The following LRGUK variants were observed in gnomAD, a reference collection of about 807,000 sequenced individuals.
The protein encoded by LRGUK is leucine rich repeats and guanylate kinase domain containing.
A neutral mutation model predicts 76.0 loss-of-function variants in LRGUK; 65 were observed. The ratio of observed to expected loss-of-function variants is 0.85; its 90% CI spans 0.70 to 1.05. The LOEUF (loss-of-function observed/expected upper bound fraction) is 1.05, where lower values mean the gene tolerates loss of function less well. Ranked by LOEUF, LRGUK falls within the 50% of genes least tolerant of loss-of-function variation. LRGUK has a pLI of 0.00. For synonymous variants in LRGUK, 268 were observed against 265.6 expected (o/e 1.01, Z -0.09); for missense variants, 758 against 732.8 (o/e 1.03, Z -0.40).
chr7:134,242,532 A>G lies in LRGUK; in HGVS notation c.1984-5024A>G, dbSNP rs148427486. Among the ~76,000 whole-genome samples, 113 of 152,320 alleles carry G rather than the reference A, an allele frequency of 7.4e-4. 1 individual carries two copies. Among genetic ancestry groups the G allele is most frequent in the Middle Eastern group, 3.4e-3 (1 of 294 alleles). On this transcript the variant is annotated intron_variant, in intron 16 of 19. Coordinates refer to the LRGUK transcript ENST00000285928. Reference sequence around the variant, plus strand: ...AAGCTGAATCCCTGAATAGACCAATAACAGATTCTGAAATTGCGGCAATAA... The same window carrying G: ...AAGCTGAATCCCTGAATAGACCAATGACAGATTCTGAAATTGCGGCAATAA...
rs1313002678 is a variant in LRGUK, at chr7:134,249,095, T to C, written c.2198+19T>C. ...AAAAGAGGTGAGTTGAGGTGTTTTG[T>C]TGGATGGAATTGGCTATTTTCTGCT... On this transcript the variant is annotated intron_variant, in intron 18 of 19. Transcript: ENST00000285928. 1.9e-6 allele frequency: 3 copies of C among 1,547,126 alleles called. No individual in the cohort carries two copies. Among genetic ancestry groups the C allele is most frequent in the Admixed American group, 2.0e-5 (1 of 50,730 alleles).
At chr7:134,274,784 G>A in the LRGUK span, among the ~76,000 whole-genome samples, 224 of 151,864 alleles carry the variant, frequency 1.5e-3, 1 homozygote, top group Non-Finnish European at 2.8e-3. Flanking sequence ...GAAAATATCA[G>A]TGCCACCTGT....
intron 6 of LRGUK, among the ~76,000 whole-genome samples, chr7:134,159,728 G>T (rs60886564): frequency 0.13 from 19,702 of 152,184 alleles, 1,608 homozygotes; most frequent in East Asian, 0.32. Flanking sequence ...GGCGGAGGTT[G>T]CAGTGAGCCG....
chr7:134,273,744 G>A, the LRGUK span, among the ~76,000 whole-genome samples: 1 of 151,878 alleles, frequency 6.6e-6, no homozygotes, highest in African/African-American at 2.4e-5. Context: ...TACTGATTAG[G>A]TTTACTATTG....
chr7:134,170,541 A>T (rs1799197188), intron 7 of LRGUK, among the ~76,000 whole-genome samples: 1 of 152,124 alleles, frequency 6.6e-6, no homozygotes, highest in African/African-American at 2.4e-5. Context: ...TAGAATTGTC[A>T]CATTTCTAAC....
chr7:134,246,220 T>TC lies in LRGUK; in HGVS notation c.1984-1329dup, dbSNP rs1341264552. Among the ~76,000 whole-genome samples the TC allele has an allele frequency of 7.9e-5, 12 of 152,148 alleles. No individual in the cohort carries two copies. In the East Asian group the frequency reaches 1.7e-3, roughly 22 times the overall value. On this transcript the variant is annotated intron_variant, in intron 16 of 19. Coordinates refer to the LRGUK transcript ENST00000285928. ...TAAACATTATTCACTCTTTATATTA[T>TC]CCCCCCCAAATTTATACTGTTGTAC...
At chr7:134,185,751 C>T (rs1461488172) in intron 11 of LRGUK, among the ~76,000 whole-genome samples, 1 of 152,080 alleles carries the variant, frequency 6.6e-6, no homozygotes, top group Non-Finnish European at 1.5e-5. Context: ...AAAAAAACTT[C>T]CTTCCCTGAA....
Position 134,143,168 on chromosome 7 carries a change from C to T in LRGUK, c.588+6C>T. Reference sequence around the variant, plus strand: ...AGCCACCCAAAAACCTCAAGGTAGACTTTATGAATACCTTAATTACACATT... The same window carrying T: ...AGCCACCCAAAAACCTCAAGGTAGATTTTATGAATACCTTAATTACACATT... On this transcript the variant is annotated splice_donor_region_variant and intron_variant, in intron 4 of 15. Transcript: ENST00000645682. The T allele has an allele frequency of 6.6e-7, 1 of 1,519,306 alleles. No homozygotes were observed. The highest frequency in any genetic ancestry group is 9.1e-7 in the Non-Finnish European group (1 of 1,094,192). The allele number at this position is 1,519,306 out of a possible 1,614,324, so 94.1% of individuals were successfully genotyped here.
downstream of LRGUK, among the ~76,000 whole-genome samples, chr7:134,214,490 G>T (rs1801380654): frequency 1.3e-5 from 2 of 152,060 alleles, no homozygotes; most frequent in African/African-American, 4.8e-5. Flanking sequence ...AAATAATCTA[G>T]CTATCTAATG....
At chr7:134,152,802 C>G (rs967904486) in intron 5 of LRGUK, among the ~76,000 whole-genome samples, 1 of 152,012 alleles carries the variant, frequency 6.6e-6, no homozygotes, top group Admixed American at 6.6e-5. Context: ...ATTGCTTGTA[C>G]TAGTAAAAAA....
chr7:134,156,700 G>T (rs1205616441), intron 5 of LRGUK, among the ~76,000 whole-genome samples: 3 of 152,104 alleles, frequency 2.0e-5, no homozygotes, highest in Non-Finnish European at 2.9e-5. Context: ...AATTCTATGA[G>T]AATTTTTTAA....
intron 6 of LRGUK, among the ~76,000 whole-genome samples, chr7:134,162,574 C>G (rs899562585): frequency 1.3e-5 from 2 of 152,096 alleles, no homozygotes; most frequent in African/African-American, 4.8e-5. Context: ...CGCCAGTGAT[C>G]CCAGCACTTT....
intron 4 of LRGUK, among the ~76,000 whole-genome samples, chr7:134,147,016 T>TA (rs939079603): frequency 6.6e-6 from 1 of 152,172 alleles, no homozygotes. Context: ...TTTTTAGTCT[T>TA]ACATGTTTGA....
At chr7:134,221,361 C>T (rs1047746420) in intron 15 of LRGUK, among the ~76,000 whole-genome samples, 5 of 152,264 alleles carry the variant, frequency 3.3e-5, no homozygotes, top group African/African-American at 1.2e-4. Flanking sequence ...TTCTGTGAAA[C>T]AGTGGGCTCA....
At chr7:134,178,819 C>T (rs1195476112) in intron 10 of LRGUK, among the ~76,000 whole-genome samples, 1 of 148,998 alleles carries the variant, frequency 6.7e-6, no homozygotes, top group Admixed American at 6.9e-5. Flanking sequence ...GAGTGTGTTG[C>T]TTTCTTGCTG....
chr7:134,163,700 G>A (rs993963304), intron 7 of LRGUK, among the ~76,000 whole-genome samples, 160 bp downstream of exon 7: 13 of 152,130 alleles, frequency 8.5e-5, no homozygotes, highest in African/African-American at 2.7e-4. Flanking sequence ...GTTGCAGAAG[G>A]GTTGTTTTTA....
intron 18 of LRGUK, among the ~76,000 whole-genome samples, chr7:134,249,559 A>T (rs1802394471): frequency 6.6e-6 from 1 of 152,148 alleles, no homozygotes; most frequent in African/African-American, 2.4e-5. Context: ...TTCCCTTTTT[A>T]ATATTCACCT....
At chr7:134,169,496 T>C (rs1280634198) in intron 7 of LRGUK, among the ~76,000 whole-genome samples, 1 of 152,242 alleles carries the variant, frequency 6.6e-6, no homozygotes, top group Non-Finnish European at 1.5e-5. Context: ...GGATGAGGTC[T>C]GAAAGTTATT....
chr7:134,262,769 G>T (rs937719276), intron 19 of LRGUK, among the ~76,000 whole-genome samples: 1 of 151,992 alleles, frequency 6.6e-6, no homozygotes, highest in African/African-American at 2.4e-5. Flanking sequence ...GGAATTCAAC[G>T]TTAGCCTGGC....
Sources: gnomAD v4.1 joint callset for allele counts (sites outside exome capture counted in the v4.1 genomes callset) on GRCh38, gnomAD v4.1.1 for gene constraint, MANE v1.5 for transcripts, NCBI Gene and HGNC (gene_info 2026-07-23, HGNC 2026-07-21) for gene names.